TCTN3: variants seen among roughly 807,000 people sequenced by gnomAD.
The protein encoded by TCTN3 is tectonic-3.
TCTN3 carries 57 observed loss-of-function variants against 71.3 expected under a neutral mutation model. That is an observed-to-expected ratio of 0.80 (90% confidence interval 0.65 to 1.00). The LOEUF (loss-of-function observed/expected upper bound fraction) is 1.00. TCTN3 is among the 50% of genes least tolerant of loss of function. TCTN3 has a pLI of 0.00. For missense variants in TCTN3, 696 were observed against 719.9 expected, an observed-to-expected ratio of 0.97 and a Z score of 0.38; for synonymous variants, 258 against 267.8, an observed-to-expected ratio of 0.96 and a Z score of 0.36.
At chr10:95,685,439 G>A (rs758213017) in intron 8 of TCTN3, 117 bp downstream of exon 8, 12 of 719,084 alleles carry the variant, frequency 1.7e-5, no homozygotes, top group Non-Finnish European at 2.2e-5. Context: ...TCCCAACATT[G>A]TTAGAGAATG....
chr10:95,675,781 T>G (rs1397903754), intron 13 of TCTN3, among the ~76,000 whole-genome samples: 1 of 152,244 alleles, frequency 6.6e-6, no homozygotes, highest in Non-Finnish European at 1.5e-5. Context: ...CCTTCTACTG[T>G]AGCAATTATT....
At chr10:95,680,341 C>CTTGGA in intron 13 of TCTN3, 131 bp downstream of exon 13, 1 of 1,198,778 alleles carries the variant, frequency 8.3e-7, no homozygotes, top group Non-Finnish European at 1.2e-6. Context: ...TATGTCAGCT[C>CTTGGA]ACTTTAAACA....
At chr10:95,688,865 T>C (rs1420158373) in intron 3 of TCTN3, among the ~76,000 whole-genome samples, 3 of 152,172 alleles carry the variant, frequency 2.0e-5, no homozygotes, top group African/African-American at 7.2e-5. Flanking sequence ...TGGCAGGTGA[T>C]TGACAACACT....
chr10:95,687,659 G>A lies in TCTN3; in HGVS notation c.560C>T (p.Ala187Val), dbSNP rs775289801. The A allele has an allele frequency of 6.2e-7, 1 of 1,614,176 alleles. No individual in the cohort carries two copies. Among genetic ancestry groups the A allele is most frequent in the South Asian group, 1.1e-5 (1 of 91,076 alleles). ...GAATGATTCGCCTCCAAACTCTGCA[G>A]CCAGGGCCTGGAAGTTGGTTGCATT... ...KVNATNFQAL[A>V]AEFGGESFTS... Residue 187 changes from alanine (A) to valine (V), a missense_variant, in exon 4 of 14, where the codon GCT becomes GTT. By Grantham distance (64) the Ala-to-Val change is moderately conservative (BLOSUM62 0). Transcript: ENST00000371217.
rs558983795 is a variant in TCTN3, at chr10:95,667,738, C to G, written c.1591-3438G>C. 5.0e-4 allele frequency among the ~76,000 whole-genome samples: 76 copies of G among 152,280 alleles called. 1 individual carries two copies. In the South Asian group the frequency reaches 0.016, roughly 31 times the overall value. On this transcript the variant is annotated intron_variant, in intron 13 of 13. Transcript: ENST00000371217. ...CATTTTAGATGAAGATGGTTTTACA[C>G]CCATACCCTTCAGTCAGGAGACTAG...
chr10:95,676,089 TAATA>T (rs1183233088), intron 13 of TCTN3, among the ~76,000 whole-genome samples: 1 of 151,688 alleles, frequency 6.6e-6, no homozygotes. Flanking sequence ...CTTTCAATTA[TAATA>T]AATAAAAGAT....
chr10:95,689,611 G>A (rs2097951800), intron 3 of TCTN3, among the ~76,000 whole-genome samples: 1 of 152,182 alleles, frequency 6.6e-6, no homozygotes, highest in African/African-American at 2.4e-5. Flanking sequence ...AAATGAATAA[G>A]AGAAAGTTTA....
intron 13 of TCTN3, among the ~76,000 whole-genome samples, chr10:95,673,531 C>G (rs2097933777): frequency 6.6e-6 from 1 of 151,346 alleles, no homozygotes; most frequent in African/African-American, 2.4e-5. Flanking sequence ...TCAGCAGCAC[C>G]AATTGTTAAA....
Position 95,684,565 on chromosome 10 carries a change from C to T in TCTN3, c.1029G>A (p.Leu343=), listed in dbSNP as rs781247420. The T allele has an allele frequency of 8.2e-5, 133 of 1,613,928 alleles. No homozygotes were observed. The highest frequency in any genetic ancestry group is 1.1e-4 in the Non-Finnish European group (132 of 1,179,936). The change falls in exon 9 of 14, where the codon TTG becomes TTA. Residue 343 remains leucine (L), a synonymous_variant. Coordinates refer to ENST00000371217, the MANE Select transcript of TCTN3 (RefSeq NM_015631.6). ...TFGIQKVSVS[L]GQTNLTVEPG... ...GCTCAACAGTCAGGTTGGTTTGTCC[C>T]AAACTGACAGAAACTTTCTGGATTC...
At chr10:95,670,525 A>G (rs2097929962) in intron 13 of TCTN3, among the ~76,000 whole-genome samples, 1 of 151,292 alleles carries the variant, frequency 6.6e-6, no homozygotes. Context: ...TGCACATCTA[A>G]TTTTTTGTAT....
Position 95,682,805 on chromosome 10 carries a change from CTA to C in TCTN3, c.1299-3_1299-2del, listed in dbSNP as rs1566071718. On this transcript the variant is annotated splice_acceptor_variant and splice_polypyrimidine_tract_variant and intron_variant, in intron 11 of 13. Coordinates refer to ENST00000371217, the MANE Select transcript of TCTN3 (RefSeq NM_015631.6). LOFTEE classifies it high-confidence loss of function. ...GTGGCTGCAGTCTGCCTTCTTCAACCTATAATTAAACACCATGGAGGCTGCAG... is the reference window on the plus strand; with the variant it reads ...GTGGCTGCAGTCTGCCTTCTTCAACCTAATTAAACACCATGGAGGCTGCAG... 2 of 1,613,340 alleles carry C rather than the reference CTA, an allele frequency of 1.2e-6. No individual in the cohort carries two copies. The highest frequency in any genetic ancestry group is 2.7e-5 in the African/African-American group (2 of 74,974).
At chr10:95,679,771 T>C (rs963322044) in intron 13 of TCTN3, among the ~76,000 whole-genome samples, 1 of 151,676 alleles carries the variant, frequency 6.6e-6, no homozygotes, top group African/African-American at 2.4e-5. Flanking sequence ...TTTGTAGTTT[T>C]AGTAGAGACG....
At chr10:95,687,863 A>G (rs772679633) in intron 3 of TCTN3, 144 bp from the exon 4 acceptor site, 4 of 914,626 alleles carry the variant, frequency 4.4e-6, no homozygotes, top group Non-Finnish European at 6.4e-6. Context: ...AAATTTATAT[A>G]CTTGTATTAC....
chr10:95,679,623 G>A (rs890458016), intron 13 of TCTN3, among the ~76,000 whole-genome samples: 1 of 121,774 alleles, frequency 8.2e-6, no homozygotes, highest in African/African-American at 3.1e-5. Flanking sequence ...ACGGAGTCTC[G>A]CTCTGTCGCC....
intron 12 of TCTN3, 21 bp from the exon 13 acceptor site, chr10:95,680,630 A>G (rs1187091358): frequency 1.2e-6 from 2 of 1,609,398 alleles, no homozygotes; most frequent in Non-Finnish European, 1.7e-6. Context: ...GTAAAGAAGC[A>G]TCTGCTTGAA....
chr10:95,692,479 C>A (rs536637008), intron 3 of TCTN3, among the ~76,000 whole-genome samples: 1 of 151,692 alleles, frequency 6.6e-6, no homozygotes, highest in Non-Finnish European at 1.5e-5. Context: ...GCACTGCACT[C>A]CTGGCGATAG....
At chr10:95,682,110 G>A (rs1395510833) in intron 12 of TCTN3, among the ~76,000 whole-genome samples, 2 of 151,308 alleles carry the variant, frequency 1.3e-5, no homozygotes, top group Admixed American at 6.6e-5. Context: ...TGGGAGGATA[G>A]CCTGGGCCCA....
At chr10:95,691,159 GGAAAA>G (rs1235063053) in intron 3 of TCTN3, among the ~76,000 whole-genome samples, 1 of 152,096 alleles carries the variant, frequency 6.6e-6, no homozygotes, top group African/African-American at 2.4e-5. Context: ...TAAAATGTTT[GGAAAA>G]GAAGAGACAA....
intron 7 of TCTN3, 108 bp from the exon 8 acceptor site, chr10:95,685,744 CCTCT>C: frequency 1.1e-5 from 8 of 721,438 alleles, no homozygotes; most frequent in East Asian, 5.9e-5. Context: ...CCTTGACCAC[CCTCT>C]CTCTCTCTTC....
Sources: allele counts gnomAD v4.1 joint callset (sites outside exome capture counted in the v4.1 genomes callset), GRCh38; gene constraint gnomAD v4.1.1; transcripts MANE v1.5; gene names NCBI Gene and HGNC (gene_info 2026-07-23, HGNC 2026-07-21).